Variants in KDM4E observed in about 807,000 individuals in gnomAD.
The protein encoded by KDM4E is lysine demethylase 4E.
For missense variants in KDM4E, 576 were observed against 642.6 expected, an observed-to-expected ratio of 0.90 and a Z score of 1.12; for synonymous variants, 229 against 232.9, an observed-to-expected ratio of 0.98 and a Z score of 0.15.
rs1241209970 is a variant in KDM4E, at chr11:95,025,417, G to A, written c.-141G>A. 2.1e-5 allele frequency: 27 copies of A among 1,274,688 alleles called. No homozygotes were observed. Among genetic ancestry groups the A allele is most frequent in the Non-Finnish European group, 2.8e-5 (27 of 956,892 alleles). 79.0% of individuals were successfully genotyped at this position (1,274,688 alleles called of 1,614,324 possible). On this transcript the variant is annotated 5_prime_UTR_variant, in exon 1 of 1. Transcript: ENST00000450979. ...TGTGAAAGATCTCACTTGTTCAAAA[G>A]TCCAAGTGTGAATTACTGTCTCACA...
rs1323055851 is a variant in KDM4E, at chr11:95,026,964, A to C, written c.1407A>C (p.Pro469=). ...CTCGAGAACTGGGGACTGAGGAGCCAACTGTTCAGCCTGCATCCAAGAGGC... is the reference window on the plus strand; with the variant it reads ...CTCGAGAACTGGGGACTGAGGAGCCCACTGTTCAGCCTGCATCCAAGAGGC... ...CCTRELGTEE[P]TVQPASKRRL... is the part of the protein sequence containing the mutation. The change falls in exon 1 of 1, where the codon CCA becomes CCC. Residue 469 remains proline, a synonymous_variant. Transcript: ENST00000450979. The C allele has an allele frequency of 1.4e-5, 22 of 1,537,252 alleles. No homozygotes were observed. The highest frequency in any genetic ancestry group is 1.7e-5 in the Non-Finnish European group (20 of 1,146,918).
Position 95,025,689 on chromosome 11 carries a change from C to A in KDM4E, c.132C>A (p.Gly44=). ...YMESQGAHQA[G]LAKVIPPKEW... ...AGTCCCAAGGCGCACATCAAGCTGG[C>A]CTTGCCAAGGTAATTCCACCCAAGG... The change falls in exon 1 of 1, where the codon GGC becomes GGA. Residue 44 remains glycine, a synonymous_variant. Coordinates refer to ENST00000450979, the MANE Select transcript of KDM4E (RefSeq NM_001161630.1). 1.3e-6 allele frequency: 2 copies of A among 1,555,828 alleles called. No individual in the cohort carries two copies. Among genetic ancestry groups the A allele is most frequent in the Non-Finnish European group, 1.7e-6 (2 of 1,156,122 alleles).
Position 95,027,250 on chromosome 11 carries a change from A to G in KDM4E, c.*172A>G. ...GATGTTGTCTGCATGACTCCTCCCA[A>G]TGTCATTGTGCCTTTGATTAAGTTT... On this transcript the variant is annotated 3_prime_UTR_variant, in exon 1 of 1. Transcript: ENST00000450979. 1 of 897,076 alleles carries G rather than the reference A, an allele frequency of 1.1e-6. No individual in the cohort carries two copies. Among genetic ancestry groups the G allele is most frequent in the Non-Finnish European group, 1.6e-6 (1 of 611,378 alleles). 55.6% of individuals were successfully genotyped at this position (897,076 alleles called of 1,614,324 possible).
At position 95,026,882 on chromosome 11, in the gene KDM4E, G is replaced by A; in HGVS notation, c.1325G>A (p.Gly442Asp). 1 of 1,537,178 alleles carries A rather than the reference G, an allele frequency of 6.5e-7. No individual in the cohort carries two copies. The highest frequency in any genetic ancestry group is 8.7e-7 in the Non-Finnish European group (1 of 1,146,902). ...AGCTGGGGTTCTGGTCGTGGTCGTG[G>A]TCGTGGTCAAGGTCAAGGTCGAGGT... ...TGSWGSGRGR[G>D]RGQGQGRGCS... is the part of the protein sequence containing the mutation. The change falls in exon 1 of 1, where the codon GGT (glycine) becomes GAT (aspartate). Residue 442 changes from glycine (G) to aspartate (D), a missense_variant. By Grantham distance (94) the Gly-to-Asp change is moderately conservative. Transcript: ENST00000450979.
rs782560665 is a variant in KDM4E, at chr11:95,025,983, T to A, written c.426T>A (p.Phe142Leu). The A allele has an allele frequency of 1.9e-6, 3 of 1,597,838 alleles. No individual in the cohort carries two copies. Among genetic ancestry groups the A allele is most frequent in the Non-Finnish European group, 2.6e-6 (3 of 1,174,384 alleles). ...GTGCTGATATCAGCGGCTCCTTATT[T>A]GAAGAAAGCACTAAACAATGGAACC... Reference protein sequence around the residue: ...IYGADISGSLFEESTKQWNLG... With the variant: ...IYGADISGSLLEESTKQWNLG... The change falls in exon 1 of 1, where the codon TTT (phenylalanine) becomes TTA (leucine). Residue 142 changes from phenylalanine to leucine, a missense_variant. Phe to Leu is a conservative substitution (Grantham distance 22, BLOSUM62 0). Transcript: ENST00000450979.
rs1429430573 is a variant in KDM4E, at chr11:95,025,471, G to A, written c.-87G>A. 3 of 1,439,252 alleles carry A rather than the reference G, an allele frequency of 2.1e-6. No individual in the cohort carries two copies. The highest frequency in any genetic ancestry group is 2.9e-5 in the African/African-American group (2 of 69,754). 89.2% of individuals were successfully genotyped at this position (1,439,252 alleles called of 1,614,324 possible). A position where few individuals can be genotyped will look rare whatever the true frequency, so the allele number is the denominator to read the frequency against. ...AAACCAAAGTATTTTGAAAAACAAAGGGGAGAAAAGAAATTACTCCCCAGA... is the reference window on the plus strand; with the variant it reads ...AAACCAAAGTATTTTGAAAAACAAAAGGGAGAAAAGAAATTACTCCCCAGA... On this transcript the variant is annotated 5_prime_UTR_variant, in exon 1 of 1. Coordinates refer to ENST00000450979, the MANE Select transcript of KDM4E (RefSeq NM_001161630.1).
Position 95,025,893 on chromosome 11 carries a change from C to G in KDM4E, c.336C>G (p.His112Gln). ...ANSKKYQTPP[H>Q]QNFADLEQRY... ...GTAAAAAATATCAGACTCCGCCACA[C>G]CAGAATTTTGCAGATTTGGAGCAAC... The change falls in exon 1 of 1, where the codon CAC becomes CAG. Residue 112 changes from histidine (H) to glutamine (Q), a missense_variant. Transcript: ENST00000450979. 6.3e-7 allele frequency: 1 copy of G among 1,587,608 alleles called. No homozygotes were observed. Among genetic ancestry groups the G allele is most frequent in the Non-Finnish European group, 8.5e-7 (1 of 1,172,440 alleles).
chr11:95,026,482 T>C lies in KDM4E; in HGVS notation c.925T>C (p.Cys309Arg), dbSNP rs1858268339. Reference sequence around the variant, plus strand: ...TGGCAAAATGGCCTCTCAGTGTAGCTGTGGGGAGTCGACAGTGACCTTTTC... The same window carrying C: ...TGGCAAAATGGCCTCTCAGTGTAGCCGTGGGGAGTCGACAGTGACCTTTTC... ...DYGKMASQCS[C>R]GESTVTFSMD... The change falls in exon 1 of 1, where the codon TGT becomes CGT. Residue 309 changes from cysteine (C) to arginine (R), a missense_variant. By Grantham distance (180) the Cys-to-Arg change is radical. Transcript: ENST00000450979. The C allele has an allele frequency of 6.2e-7, 1 of 1,604,092 alleles. No homozygotes were observed. Among genetic ancestry groups the C allele is most frequent in the Non-Finnish European group, 8.5e-7 (1 of 1,178,998 alleles).
chr11:95,026,177 A>C lies in KDM4E; in HGVS notation c.620A>C (p.Lys207Thr). 6.2e-7 allele frequency: 1 copy of C among 1,614,100 alleles called. No individual in the cohort carries two copies. The highest frequency in any genetic ancestry group is 8.5e-7 in the Non-Finnish European group (1 of 1,180,006). Residue 207 changes from lysine to threonine, a missense_variant, in exon 1 of 1, where the codon AAA becomes ACA. By Grantham distance (78) the Lys-to-Thr change is moderately conservative. Coordinates refer to ENST00000450979, the MANE Select transcript of KDM4E (RefSeq NM_001161630.1). The stretch of plus-strand genomic sequence containing the variant: ...AACTACCTGCACTTTGGGGAGCCCA[A>C]AACTTGGTACGTGGTGCCCCCAGAA... ...SINYLHFGEP[K>T]TWYVVPPEHG... is the part of the protein sequence containing the mutation.
At position 95,026,919 on chromosome 11, in the gene KDM4E, T is replaced by A; in HGVS notation, c.1362T>A (p.Gly454=). 5 of 1,537,204 alleles carry A rather than the reference T, an allele frequency of 3.3e-6. No homozygotes were observed. Among genetic ancestry groups the A allele is most frequent in the Non-Finnish European group, 4.4e-6 (5 of 1,146,904 alleles). Residue 454 remains glycine (G), a synonymous_variant, in exon 1 of 1, where the codon GGT becomes GGA. Transcript: ENST00000450979. ...GQGQGRGCSR[G]RGHGCCTREL... The stretch of plus-strand genomic sequence containing the variant: ...GTCAAGGTCGAGGTTGCAGTCGTGG[T>A]CGTGGTCATGGTTGTTGTACTCGAG...
rs1858284004 is a variant in KDM4E at position 95,027,294 on chromosome 11, GA to G, written c.*217del. 1.6e-6 allele frequency: 1 copy of G among 644,062 alleles called. No individual in the cohort carries two copies. The highest frequency in any genetic ancestry group is 3.0e-5 in the Admixed American group (1 of 32,824). The allele number at this position is 644,062 out of a possible 1,614,324, so 39.9% of individuals were successfully genotyped here. A position where few individuals can be genotyped will look rare whatever the true frequency, so the allele number is the denominator to read the frequency against. On this transcript the variant is annotated 3_prime_UTR_variant, in exon 1 of 1. Transcript: ENST00000450979. ...TAAGTTTTCCAGGGACACTGGTGGG[GA>G]CTGGAACTGATTAAGTTCACCAGGG...
In KDM4E at chr11:95,026,351, C is replaced by T. The variant is rs369600638; in HGVS notation, c.794C>T (p.Ala265Val). The T allele has an allele frequency of 4.2e-5, 68 of 1,614,136 alleles. 1 individual carries two copies. In the African/African-American group the frequency reaches 8.1e-4, roughly 19 times the overall value. ...CCCTTCAATTGCATGACTCAGGAGG[C>T]TGGGGAGTTCATGGTGACCTTTCCC... ...GIPFNCMTQE[A>V]GEFMVTFPYG... The change falls in exon 1 of 1, where the codon GCT (alanine) becomes GTT (valine). Residue 265 changes from alanine (A) to valine (V), a missense_variant. Coordinates refer to ENST00000450979, the MANE Select transcript of KDM4E (RefSeq NM_001161630.1).
chr11:95,026,256 G>A lies in KDM4E; in HGVS notation c.699G>A (p.Arg233=), dbSNP rs1555102804. Residue 233 remains arginine, a synonymous_variant, in exon 1 of 1, where the codon CGG becomes CGA. Transcript: ENST00000450979. ...GGGAGCTCTTCCCAGACATTTCTCG[G>A]GGCTGTGAGGCCTTCCTGCGGCACA... ...LARELFPDIS[R]GCEAFLRHKV... is the part of the protein sequence containing the mutation. 1 of 1,614,080 alleles carries A rather than the reference G, an allele frequency of 6.2e-7. No individual in the cohort carries two copies. Among genetic ancestry groups the A allele is most frequent in the Non-Finnish European group, 8.5e-7 (1 of 1,179,998 alleles).
chr11:95,027,219 C>T lies in KDM4E; in HGVS notation c.*141C>T, dbSNP rs1212102986. ...ATCCCTCAACAGCACTACTAGTAAT[C>T]TCCCTGATGTTGTCTGCATGACTCC... On this transcript the variant is annotated 3_prime_UTR_variant, in exon 1 of 1. Coordinates refer to ENST00000450979, the MANE Select transcript of KDM4E (RefSeq NM_001161630.1). 2 of 1,155,152 alleles carry T rather than the reference C, an allele frequency of 1.7e-6. No homozygotes were observed. Among genetic ancestry groups the T allele is most frequent in the Non-Finnish European group, 2.4e-6 (2 of 842,902 alleles). 71.6% of individuals were successfully genotyped at this position (1,155,152 alleles called of 1,614,324 possible).
rs1565427245 is a variant in KDM4E, at chr11:95,026,242, C to G, written c.685C>G (p.Pro229Ala). Residue 229 changes from proline (P) to alanine (A), a missense_variant, in exon 1 of 1, where the codon CCA becomes GCA. Transcript: ENST00000450979. ...GGAACGCCTGGCCAGGGAGCTCTTC[C>G]CAGACATTTCTCGGGGCTGTGAGGC... ...HLERLARELF[P>A]DISRGCEAFL... 1.9e-6 allele frequency: 3 copies of G among 1,614,112 alleles called. No homozygotes were observed. The highest frequency in any genetic ancestry group is 2.2e-5 in the East Asian group (1 of 44,880).
rs1252952250 is a variant in KDM4E, at chr11:95,027,437, TCTA to T, written c.*360_*362del. The T allele has an allele frequency of 3.9e-6, 1 of 259,414 alleles. No individual in the cohort carries two copies. Among genetic ancestry groups the T allele is most frequent in the Non-Finnish European group, 7.4e-6 (1 of 135,812 alleles). 16.1% of individuals were successfully genotyped at this position (259,414 alleles called of 1,614,324 possible). On this transcript the variant is annotated 3_prime_UTR_variant, in exon 1 of 1. Transcript: ENST00000450979. The stretch of plus-strand genomic sequence containing the variant: ...CTGGGCTCCTGACTCATCTGCTGGG[TCTA>T]AAGACACTGAGTTTAGGGATATTTT...
chr11:95,027,181 G>T lies in KDM4E; in HGVS notation c.*103G>T. On this transcript the variant is annotated 3_prime_UTR_variant, in exon 1 of 1. Transcript: ENST00000450979. ...GATCGTGATGAAACCATGCACCCTGGCCTGTGCCTGCTATCCCTCAACAGC... is the reference window on the plus strand; with the variant it reads ...GATCGTGATGAAACCATGCACCCTGTCCTGTGCCTGCTATCCCTCAACAGC... The T allele has an allele frequency of 4.2e-6, 6 of 1,413,606 alleles. No individual in the cohort carries two copies. The highest frequency in any genetic ancestry group is 5.6e-6 in the Non-Finnish European group (6 of 1,072,010). The allele number at this position is 1,413,606 out of a possible 1,614,324, so 87.6% of individuals were successfully genotyped here.
In KDM4E at chr11:95,026,693, C is replaced by G; in HGVS notation, c.1136C>G (p.Ala379Gly). The G allele has an allele frequency of 6.5e-7, 1 of 1,537,270 alleles. No homozygotes were observed. The change falls in exon 1 of 1, where the codon GCC becomes GGC. Residue 379 changes from alanine (A) to glycine (G), a missense_variant. By Grantham distance (60) the Ala-to-Gly change is moderately conservative (BLOSUM62 0). Coordinates refer to ENST00000450979, the MANE Select transcript of KDM4E (RefSeq NM_001161630.1). ...LGLRLLPNLTAQCPTQPVSSG... is the reference protein window; with the variant it reads ...LGLRLLPNLTGQCPTQPVSSG... Reference sequence around the variant, plus strand: ...CTGAGGCTTCTCCCAAACCTCACAGCCCAGTGTCCCACACAGCCTGTGTCC... The same window carrying G: ...CTGAGGCTTCTCCCAAACCTCACAGGCCAGTGTCCCACACAGCCTGTGTCC...
At position 95,026,474 on chromosome 11, in the gene KDM4E, A is replaced by G; in HGVS notation, c.917A>G (p.Gln306Arg). The change falls in exon 1 of 1, where the codon CAG becomes CGG. Residue 306 changes from glutamine (Q) to arginine (R), a missense_variant. Gln to Arg is a conservative substitution (Grantham distance 43). Transcript: ENST00000450979. ...RWIDYGKMAS[Q>R]CSCGESTVTF... ...ATTGATTATGGCAAAATGGCCTCTC[A>G]GTGTAGCTGTGGGGAGTCGACAGTG... is the stretch of plus-strand genomic sequence containing the variant. 1.2e-6 allele frequency: 2 copies of G among 1,606,458 alleles called. No homozygotes were observed. Among genetic ancestry groups the G allele is most frequent in the African/African-American group, 1.3e-5 (1 of 75,008 alleles).
Sources: gnomAD v4.1 joint callset for allele counts on GRCh38, gnomAD v4.1.1 for gene constraint, MANE v1.5 for transcripts, NCBI Gene and HGNC (gene_info 2026-07-23, HGNC 2026-07-21) for gene names.